The following OCA2 variants were observed in gnomAD, a reference collection of about 807,000 sequenced individuals.
OCA2 encodes OCA2 melanosomal transmembrane protein, also known as P protein.
In OCA2, 77 loss-of-function variants were observed where a neutral mutation model predicts 100.2. The ratio of observed to expected loss-of-function variants is 0.77; its 90% CI spans 0.64 to 0.93. The LOEUF is 0.93. OCA2 is among the 40% of genes least tolerant of loss of function. OCA2 has a pLI of 0.00. For synonymous variants in OCA2, 432 were observed against 439.2 expected (o/e 0.98, Z 0.21); for missense variants, 1,062 against 1,089.1 (o/e 0.98, Z 0.35).
chr15:28,051,505 T>G (rs2043512556), intron 2 of OCA2, among the ~76,000 whole-genome samples: 1 of 151,630 alleles, frequency 6.6e-6, no homozygotes, highest in Admixed American at 6.6e-5. Flanking sequence ...TTGATCAGGC[T>G]GGTCTCAAGC....
chr15:27,773,350 T>C (rs879432807), intron 23 of OCA2, among the ~76,000 whole-genome samples: 18 of 152,228 alleles, frequency 1.2e-4, no homozygotes, highest in Admixed American at 8.5e-4. Flanking sequence ...CAGTATCCTT[T>C]GACCCGCCTA....
At chr15:28,081,932 G>C in intron 1 of OCA2, 37 bp from the exon 2 acceptor site, 1 of 1,513,986 alleles carries the variant, frequency 6.6e-7, no homozygotes, top group Non-Finnish European at 9.0e-7. Flanking sequence ...TTCATGAAAG[G>C]CACACTGAGA....
intron 19 of OCA2, among the ~76,000 whole-genome samples, chr15:27,883,440 G>A (rs72710565): frequency 0.016 from 2,498 of 152,098 alleles, 32 homozygotes; most frequent in Non-Finnish European, 0.025. Context: ...TATGACACCC[G>A]GTTAAAACAC....
intron 21 of OCA2, among the ~76,000 whole-genome samples, chr15:27,860,907 A>C (rs991013076): frequency 2.6e-5 from 4 of 152,220 alleles, no homozygotes; most frequent in African/African-American, 9.6e-5. Context: ...AAGCTCAGGG[A>C]GGAAGCAGCA....
At chr15:28,031,719 G>C (rs1010421298) in intron 3 of OCA2, among the ~76,000 whole-genome samples, 1 of 152,184 alleles carries the variant, frequency 6.6e-6, no homozygotes, top group Non-Finnish European at 1.5e-5. Flanking sequence ...GATGCCAGAA[G>C]CATCTCAGCC....
chr15:27,817,882 G>A (rs1364862101), intron 23 of OCA2, among the ~76,000 whole-genome samples: 2 of 152,154 alleles, frequency 1.3e-5, no homozygotes, highest in African/African-American at 2.4e-5. Flanking sequence ...GCATGTGTAT[G>A]TGTAATTGAC....
intron 19 of OCA2, among the ~76,000 whole-genome samples, chr15:27,916,968 G>T (rs1281762912): frequency 6.6e-6 from 1 of 152,082 alleles, no homozygotes; most frequent in Non-Finnish European, 1.5e-5. Context: ...GTAGGTGTAA[G>T]ATAGCAGATG....
At chr15:27,753,481 T>C (rs376395520), downstream of OCA2, among the ~76,000 whole-genome samples, 32 of 152,074 alleles carry the variant, frequency 2.1e-4, 1 homozygote, top group South Asian at 1.2e-3. Context: ...TGCCTGTAAT[T>C]CCAGCACTTT....
At chr15:27,858,046 A>G (rs1306420008) in intron 21 of OCA2, among the ~76,000 whole-genome samples, 2 of 152,214 alleles carry the variant, frequency 1.3e-5, no homozygotes, top group African/African-American at 2.4e-5. Flanking sequence ...GTAATGGAGA[A>G]ACTGAGAAAC....
intron 23 of OCA2, among the ~76,000 whole-genome samples, chr15:27,763,009 G>C (rs1488755676): frequency 6.6e-6 from 1 of 152,182 alleles, no homozygotes; most frequent in African/African-American, 2.4e-5. Flanking sequence ...ATTCCACTGA[G>C]CATATACACT....
intron 11 of OCA2, among the ~76,000 whole-genome samples, chr15:27,987,127 T>G (rs1326457967): frequency 6.6e-6 from 1 of 152,158 alleles, no homozygotes; most frequent in African/African-American, 2.4e-5. Flanking sequence ...TTAAACTGAT[T>G]TTTGTCACCA....
chr15:27,746,606 C>A, the OCA2 span, among the ~76,000 whole-genome samples: 1 of 152,300 alleles, frequency 6.6e-6, no homozygotes, highest in South Asian at 2.1e-4. Flanking sequence ...GAGTCAACTC[C>A]TCTGCAACTG....
intron 2 of OCA2, among the ~76,000 whole-genome samples, chr15:28,079,432 A>G (rs55975749): frequency 0.068 from 10,277 of 152,156 alleles, 383 homozygotes; most frequent in Middle Eastern, 0.092. Flanking sequence ...CGACATGGCC[A>G]CACACCTGCC....
At chr15:27,818,618 A>G (rs2034396489) in intron 23 of OCA2, among the ~76,000 whole-genome samples, 1 of 152,164 alleles carries the variant, frequency 6.6e-6, no homozygotes. Context: ...CTGGTGCTCC[A>G]GGAAGGTGAA....
rs1482513844 is a variant in OCA2 at position 28,081,697 on chromosome 15, A to G, written c.178T>C (p.Ser60Pro). Reference sequence around the variant, plus strand: ...AACTCCTGGCCTGCAGGAGCCCAAGAGCTCTGCCCGGCAGCCCCCCTGGGG... The same window carrying G: ...AACTCCTGGCCTGCAGGAGCCCAAGGGCTCTGCCCGGCAGCCCCCCTGGGG... ...SCPRGAAGQS[S>P]WAPAGQEFAS... The change falls in exon 2 of 24, where the codon TCT (serine) becomes CCT (proline). Residue 60 changes from serine (S) to proline (P), a missense_variant. Ser to Pro is a moderately conservative substitution (Grantham distance 74). Transcript: ENST00000354638. 3 of 1,613,750 alleles carry G rather than the reference A, an allele frequency of 1.9e-6. No homozygotes were observed. The African/African-American group carries it at 4.0e-5, about 22-fold the overall frequency.
intron 5 of OCA2, 78 bp downstream of exon 5, chr15:28,024,767 T>C (rs948901613): frequency 8.9e-6 from 13 of 1,458,054 alleles, no homozygotes; most frequent in South Asian, 1.1e-5. Context: ...ACACCTCAGG[T>C]TCCCCCTGCT....
At chr15:27,793,445 A>G (rs2033179723) in intron 23 of OCA2, among the ~76,000 whole-genome samples, 1 of 151,880 alleles carries the variant, frequency 6.6e-6, no homozygotes, top group Non-Finnish European at 1.5e-5. Context: ...TCTTAGCTGG[A>G]CCTTTTCTCC....
the OCA2 span, among the ~76,000 whole-genome samples, chr15:27,743,728 G>A: frequency 2.0e-5 from 3 of 152,198 alleles, no homozygotes; most frequent in East Asian, 5.8e-4. Context: ...TTGCTCTTCA[G>A]GCACAGATTA....
At chr15:28,051,590 C>T (rs1286814672) in intron 2 of OCA2, among the ~76,000 whole-genome samples, 1 of 140,804 alleles carries the variant, frequency 7.1e-6, no homozygotes. Flanking sequence ...CTGCGCCTGG[C>T]CTTCCTTTTT....
Sources: allele counts gnomAD v4.1 joint callset (sites outside exome capture counted in the v4.1 genomes callset), GRCh38; gene constraint gnomAD v4.1.1; transcripts MANE v1.5; gene names NCBI Gene and HGNC (gene_info 2026-07-23, HGNC 2026-07-21).